DSCAML1: variants seen among roughly 807,000 people sequenced by gnomAD.
DSCAML1 encodes DS cell adhesion molecule like 1.
DSCAML1 carries 38 observed loss-of-function variants against 200.5 expected under a neutral mutation model. The observed-to-expected ratio is 0.19, with a 90% CI of 0.15 to 0.25. The LOEUF (loss-of-function observed/expected upper bound fraction) is 0.25, where lower values mean the gene tolerates loss of function less well. Among genes scored for constraint, DSCAML1 ranks in the 10% least tolerant of loss-of-function variants. The pLI is 1.00. For missense variants in DSCAML1, 2,223 were observed against 2,858.8 expected (o/e 0.78, Z 5.07); for synonymous variants, 1,215 against 1,165.0 (o/e 1.04, Z -0.87).
In DSCAML1 at chr11:117,642,951, C is replaced by T. The variant is rs1453866401; in HGVS notation, c.512-110429G>A. On this transcript the variant is annotated intron_variant, in intron 3 of 32. Coordinates refer to ENST00000651296, the MANE Select transcript of DSCAML1 (RefSeq NM_020693.4). This position sits in a 1 kb window ranked among gnomAD's most constrained non-coding sequence, Gnocchi z 4.1. ...GACAGTTTTCCCCAACCTTCCTCAC[C>T]AGAAACGCAAAACTCCTTTGATTTG... Among the ~76,000 whole-genome samples the T allele has an allele frequency of 3.9e-5, 6 of 152,142 alleles. No homozygotes were observed. The highest frequency in any genetic ancestry group is 8.8e-5 in the Non-Finnish European group (6 of 68,022).
intron 26 of DSCAML1, 71 bp from the exon 27 acceptor site, chr11:117,435,870 G>A: frequency 6.6e-7 from 1 of 1,512,348 alleles, no homozygotes; most frequent in Non-Finnish European, 9.0e-7. Context: ...TCTCATGGGT[G>A]GGGCAGTCCT....
At chr11:117,628,020 G>A (rs1423957494) in intron 3 of DSCAML1, among the ~76,000 whole-genome samples, 1 of 152,128 alleles carries the variant, frequency 6.6e-6, no homozygotes, top group Non-Finnish European at 1.5e-5. Context: ...ATACCTGTAT[G>A]TTTTAAAGGG....
Position 117,722,993 on chromosome 11 carries a change from G to C in DSCAML1, c.511+53798C>G, listed in dbSNP as rs2054065984. Among the ~76,000 whole-genome samples the C allele has an allele frequency of 4.6e-5, 7 of 152,192 alleles. No individual in the cohort carries two copies. The South Asian group carries it at 1.4e-3, about 32-fold the overall frequency. ...TATAGGTTCTGGAGCCAGATGGCCT[G>C]AGGTTGAATCTTAGTTCTGCAACTG... On this transcript the variant is annotated intron_variant, in intron 3 of 32. Transcript: ENST00000651296.
rs201440476 is a variant in DSCAML1 at position 117,743,883 on chromosome 11, G to A, written c.511+32908C>T. Among the ~76,000 whole-genome samples, 23 of 152,232 alleles carry A rather than the reference G, an allele frequency of 1.5e-4. No individual in the cohort carries two copies. In the East Asian group the frequency reaches 2.1e-3, roughly 14 times the overall value. On this transcript the variant is annotated intron_variant, in intron 3 of 32. Transcript: ENST00000651296. ...AAGGTGGTGCTCTCCACCCCACACC[G>A]AGGAAAACTCGTCTATAAACTCTGC...
chr11:117,566,053 A>G (rs577489646), intron 3 of DSCAML1, among the ~76,000 whole-genome samples: 10 of 152,336 alleles, frequency 6.6e-5, no homozygotes, highest in African/African-American at 2.4e-4. Flanking sequence ...ATTTGTAAGC[A>G]CTGGCCATGG....
chr11:117,451,467 G>A (rs763171588), intron 19 of DSCAML1, among the ~76,000 whole-genome samples: 13 of 152,258 alleles, frequency 8.5e-5, no homozygotes, highest in African/African-American at 2.4e-4. Flanking sequence ...CTGAGCCTCC[G>A]TTTCCCTATC....
In DSCAML1 at chr11:117,780,951, A is replaced by C; in HGVS notation, c.47-141T>G. On this transcript the variant is annotated intron_variant, in intron 1 of 32. Transcript: ENST00000651296. This position sits in a 1 kb window ranked among gnomAD's most constrained non-coding sequence, Gnocchi z 4.8. ...TTCAGTATGCACTTATTGAGCACTG[A>C]CTATACACCAGGCACTGGCAAAGGT... is the stretch of plus-strand genomic sequence containing the variant. The C allele has an allele frequency of 1.7e-6, 1 of 583,950 alleles. No homozygotes were observed. The highest frequency in any genetic ancestry group is 2.6e-6 in the Non-Finnish European group (1 of 382,718). 36.2% of individuals were successfully genotyped at this position (583,950 alleles called of 1,614,324 possible).
At chr11:117,470,901 T>A (rs549748) in intron 15 of DSCAML1, among the ~76,000 whole-genome samples, 69,525 of 152,118 alleles carry the variant, frequency 0.46, 17,369 homozygotes, top group African/African-American at 0.65. Context: ...TGAAGTATGA[T>A]GTCATGAATA....
chr11:117,461,777 G>C (rs746386604), intron 17 of DSCAML1, among the ~76,000 whole-genome samples, 181 bp from the exon 18 acceptor site: 4 of 152,158 alleles, frequency 2.6e-5, no homozygotes, highest in African/African-American at 9.7e-5. Flanking sequence ...GAAGTGAACC[G>C]AGTTTCCTTT....
chr11:117,442,032 ATGTG>A (rs3057896), intron 21 of DSCAML1, among the ~76,000 whole-genome samples: 6 of 143,830 alleles, frequency 4.2e-5, no homozygotes, highest in South Asian at 4.2e-4. Flanking sequence ...GAGTGTGTGT[ATGTG>A]TGTGTGTGTG....
chr11:117,498,970 G>A lies in DSCAML1; in HGVS notation c.2359+4875C>T, dbSNP rs557780778. On this transcript the variant is annotated intron_variant, in intron 11 of 32. Transcript: ENST00000651296. This position sits in a 1 kb window ranked among gnomAD's most constrained non-coding sequence, Gnocchi z 4.0. Reference sequence around the variant, plus strand: ...TGGAAGAGAGTCTGGGAGGTCCAACGAGACCTGTCTAATAAGGTCACCTGC... The same window carrying A: ...TGGAAGAGAGTCTGGGAGGTCCAACAAGACCTGTCTAATAAGGTCACCTGC... Among the ~76,000 whole-genome samples the A allele has an allele frequency of 4.6e-5, 7 of 152,254 alleles. No homozygotes were observed. Among genetic ancestry groups the A allele is most frequent in the South Asian group, 2.1e-4 (1 of 4,824 alleles).
At chr11:117,440,351 G>A (rs767551218) in intron 21 of DSCAML1, among the ~76,000 whole-genome samples, 3 of 152,162 alleles carry the variant, frequency 2.0e-5, no homozygotes, top group Admixed American at 6.5e-5. Context: ...GGCAACGGCC[G>A]GGAATAGCAT....
intron 20 of DSCAML1, among the ~76,000 whole-genome samples, chr11:117,444,610 G>A (rs150311062): frequency 0.013 from 1,959 of 152,236 alleles, 38 homozygotes; most frequent in South Asian, 0.016. Flanking sequence ...CTTTATTAAT[G>A]ATTATTAGTG....
chr11:117,596,112 G>A (rs184447290), intron 3 of DSCAML1, among the ~76,000 whole-genome samples: 2 of 152,268 alleles, frequency 1.3e-5, no homozygotes, highest in Admixed American at 6.5e-5. Flanking sequence ...TGAGTCTGAA[G>A]GCAAATTTCA....
intron 3 of DSCAML1, among the ~76,000 whole-genome samples, chr11:117,664,545 C>T (rs2052933313): frequency 2.0e-5 from 3 of 152,204 alleles, no homozygotes; most frequent in Middle Eastern, 6.8e-3. Flanking sequence ...TGAGGTGTTA[C>T]GCTTGTATAT....
intron 1 of DSCAML1, among the ~76,000 whole-genome samples, chr11:117,810,017 A>G (rs752537257): frequency 5.3e-5 from 8 of 151,750 alleles, no homozygotes; most frequent in Non-Finnish European, 1.2e-4. Context: ...CCACACTCAC[A>G]CATATTCAAA....
At chr11:117,547,649 G>A (rs996857867) in intron 3 of DSCAML1, among the ~76,000 whole-genome samples, 1 of 152,270 alleles carries the variant, frequency 6.6e-6, no homozygotes, top group African/African-American at 2.4e-5. Flanking sequence ...AACACCCCGC[G>A]TGCTATAAAG....
intron 3 of DSCAML1, among the ~76,000 whole-genome samples, chr11:117,725,953 A>C (rs2137806278): frequency 6.6e-6 from 1 of 152,292 alleles, no homozygotes; most frequent in South Asian, 2.1e-4. Flanking sequence ...CCCTACCCAC[A>C]GGTCCCATGC....
intron 5 of DSCAML1, among the ~76,000 whole-genome samples, chr11:117,523,150 G>T (rs987014554): frequency 1.3e-5 from 2 of 152,194 alleles, no homozygotes; most frequent in African/African-American, 4.8e-5. Flanking sequence ...ATGTGTGCCT[G>T]TGTCTGTGTG....
Sources: allele counts gnomAD v4.1 joint callset (sites outside exome capture counted in the v4.1 genomes callset), GRCh38; gene constraint gnomAD v4.1.1; non-coding constraint Gnocchi (gnomAD v3.1); transcripts MANE v1.5; gene names NCBI Gene and HGNC (gene_info 2026-07-23, HGNC 2026-07-21).